The following MYLIP variants were observed in gnomAD, a reference collection of about 807,000 sequenced individuals.
MYLIP encodes the protein E3 ubiquitin-protein ligase MYLIP.
MYLIP carries 26 observed loss-of-function variants against 45.8 expected under a neutral mutation model. The observed-to-expected ratio is 0.57, with a 90% CI of 0.42 to 0.79. The LOEUF (loss-of-function observed/expected upper bound fraction) is 0.79. MYLIP is among the 30% of genes least tolerant of loss of function. MYLIP has a pLI of 0.00. For synonymous variants in MYLIP, 213 were observed against 218.1 expected (o/e 0.98, Z 0.21); for missense variants, 494 against 555.6 (o/e 0.89, Z 1.11).
chr6:16,143,584 G>A, intron 4 of MYLIP, 115 bp from the exon 5 acceptor site: 1 of 1,061,090 alleles, frequency 9.4e-7, no homozygotes, highest in Non-Finnish European at 1.4e-6. Flanking sequence ...TAACCCCAGA[G>A]GAAGCGTCTG....
rs780680479 is a variant in MYLIP, at chr6:16,129,443, G to T, written c.87+34G>T. 6.4e-7 allele frequency: 1 copy of T among 1,554,332 alleles called. No homozygotes were observed. The highest frequency in any genetic ancestry group is 1.2e-5 in the South Asian group (1 of 84,714). ...GAGGGGCAAGAAGGGGCCCCGGCGG[G>T]TCCCGCGAGGCCGAGGGGCCTCGCA... On this transcript the variant is annotated intron_variant, in intron 1 of 6. Transcript: ENST00000356840. The surrounding 1 kb of genome is among the most constrained non-coding windows in gnomAD (Gnocchi z 5.1).
At chr6:16,143,677 C>T in intron 4 of MYLIP, 22 bp from the exon 5 acceptor site, 1 of 1,612,132 alleles carries the variant, frequency 6.2e-7, no homozygotes, top group Non-Finnish European at 8.5e-7. Flanking sequence ...GATCTGCTTT[C>T]TTTTCTCTTC....
downstream of MYLIP, among the ~76,000 whole-genome samples, chr6:16,152,880 C>T (rs1468888663): frequency 6.6e-6 from 1 of 152,012 alleles, no homozygotes; most frequent in African/African-American, 2.4e-5. Flanking sequence ...GACCAGTGGG[C>T]AGTTTGGCAT....
At position 16,146,995 on chromosome 6, in the gene MYLIP, G is replaced by A. The variant is rs1289455896; in HGVS notation, c.*244G>A. On this transcript the variant is annotated 3_prime_UTR_variant, in exon 7 of 7. Transcript: ENST00000356840. ...TGGGACGCAGACACATTCCTTGGAT[G>A]TTGATTTTTTTTATGATCTAGTAAA... 2.8e-5 allele frequency: 10 copies of A among 361,334 alleles called. No homozygotes were observed. The highest frequency in any genetic ancestry group is 3.6e-5 in the Non-Finnish European group (7 of 192,022). 22.4% of individuals were successfully genotyped at this position (361,334 alleles called of 1,614,324 possible).
chr6:16,150,970 G>A (rs1174198960), downstream of MYLIP, among the ~76,000 whole-genome samples: 1 of 152,056 alleles, frequency 6.6e-6, no homozygotes, highest in Non-Finnish European at 1.5e-5. Context: ...AGGAGAGCAC[G>A]CATGGGTAAA....
At chr6:16,142,676 G>A (rs1297153483) in intron 3 of MYLIP, among the ~76,000 whole-genome samples, 1 of 152,154 alleles carries the variant, frequency 6.6e-6, no homozygotes, top group East Asian at 1.9e-4. Context: ...GGGGCCTCAG[G>A]GGTCAACTTT....
In MYLIP at chr6:16,143,159, A is replaced by C. The variant is rs79992066; in HGVS notation, c.604A>C (p.Ile202Leu). ...VRDSEGQKLL[I>L]GVGPEGISIC... The stretch of plus-strand genomic sequence containing the variant: ...GGATAGCGAAGGGCAGAAACTGCTC[A>C]TTGGGGTTGGACCTGAAGGAATCTC... Residue 202 changes from isoleucine to leucine, a missense_variant, in exon 4 of 7, where the codon ATT (isoleucine) becomes CTT (leucine). Coordinates refer to ENST00000356840, the MANE Select transcript of MYLIP (RefSeq NM_013262.4). 28,593 of 1,614,190 alleles carry C rather than the reference A, an allele frequency of 0.018. 304 individuals are homozygous for C. Among genetic ancestry groups the C allele is most frequent in the Non-Finnish European group, 0.019 (22,725 of 1,180,032 alleles).
At position 16,129,134 on chromosome 6, in the gene MYLIP, G is replaced by A; in HGVS notation, c.-189G>A. ...CCACCGCGGAGGACAGGGGCAGCTG[G>A]CGGGCAGCGGGTGAGGGGGTGGCGG... On this transcript the variant is annotated 5_prime_UTR_variant, in exon 1 of 7. Coordinates refer to ENST00000356840, the MANE Select transcript of MYLIP (RefSeq NM_013262.4). This position sits in a 1 kb window ranked among gnomAD's most constrained non-coding sequence, Gnocchi z 5.1. 3.4e-6 allele frequency: 2 copies of A among 589,154 alleles called. No homozygotes were observed. Among genetic ancestry groups the A allele is most frequent in the Non-Finnish European group, 5.9e-6 (2 of 337,462 alleles). 36.5% of individuals were successfully genotyped at this position (589,154 alleles called of 1,614,324 possible).
Position 16,141,765 on chromosome 6 carries a change from A to G in MYLIP, c.419A>G (p.Tyr140Cys), listed in dbSNP as rs1759678824. The change falls in exon 3 of 7, where the codon TAT becomes TGT. Residue 140 changes from tyrosine (Y) to cysteine (C), a missense_variant. By Grantham distance (194) the Tyr-to-Cys change is radical. Transcript: ENST00000356840. Reference protein sequence around the residue: ...DYNQNTAKYNYEELCAKELSS... With the variant: ...DYNQNTAKYNCEELCAKELSS... Reference sequence around the variant, plus strand: ...AACCAGAACACTGCCAAGTATAACTATGAGGAGCTCTGTGCCAAGGAGCTC... The same window carrying G: ...AACCAGAACACTGCCAAGTATAACTGTGAGGAGCTCTGTGCCAAGGAGCTC... 1.2e-6 allele frequency: 2 copies of G among 1,614,056 alleles called. No individual in the cohort carries two copies. Among genetic ancestry groups the G allele is most frequent in the African/African-American group, 1.3e-5 (1 of 75,060 alleles).
chr6:16,155,003 C>G, the MYLIP span, among the ~76,000 whole-genome samples: 2 of 152,264 alleles, frequency 1.3e-5, no homozygotes, highest in South Asian at 4.1e-4. Flanking sequence ...CAACTGGAGG[C>G]CTTCACTCCT....
At chr6:16,149,315 G>A (rs1260198489), downstream of MYLIP, among the ~76,000 whole-genome samples, 1 of 152,172 alleles carries the variant, frequency 6.6e-6, no homozygotes, top group Non-Finnish European at 1.5e-5. Context: ...CTTAAGCTCA[G>A]TGACTAACAT....
At chr6:16,151,789 G>GA (rs1169007202), downstream of MYLIP, among the ~76,000 whole-genome samples, 6 of 152,240 alleles carry the variant, frequency 3.9e-5, no homozygotes, top group Middle Eastern at 6.8e-3. Flanking sequence ...GTTGCTTAGA[G>GA]AAAAAATACA....
intron 2 of MYLIP, among the ~76,000 whole-genome samples, chr6:16,137,539 A>G (rs1191742097): frequency 5.9e-5 from 9 of 152,218 alleles, no homozygotes; most frequent in Non-Finnish European, 1.5e-5. Context: ...GTTATTTTAC[A>G]TTTGTCATTA....
At chr6:16,137,403 A>C (rs1387355714) in intron 2 of MYLIP, among the ~76,000 whole-genome samples, 1 of 152,252 alleles carries the variant, frequency 6.6e-6, no homozygotes, top group East Asian at 1.9e-4. Context: ...AGAGTCAGTC[A>C]TGGCTCTCCA....
chr6:16,143,257 A>G (rs746811748), intron 4 of MYLIP, 40 bp downstream of exon 4: 17 of 1,575,944 alleles, frequency 1.1e-5, no homozygotes, highest in Non-Finnish European at 1.4e-5. Flanking sequence ...AAGCATGTGT[A>G]TACATCTGTA....
downstream of MYLIP, among the ~76,000 whole-genome samples, chr6:16,152,159 C>T (rs936362648): frequency 1.3e-5 from 2 of 152,094 alleles, no homozygotes; most frequent in African/African-American, 4.8e-5. Flanking sequence ...CAAGAGAGGA[C>T]AGAAGTAGAG....
Position 16,143,040 on chromosome 6 carries a change from A to C in MYLIP, c.485A>C (p.Glu162Ala). 1 of 1,613,968 alleles carries C rather than the reference A, an allele frequency of 6.2e-7. No homozygotes were observed. ...TCCAGCATTGTTGCAAAACATAAGG[A>C]GTTGGAGGGGACCAGCCAGGCTTCA... ...TLNSIVAKHK[E>A]LEGTSQASAE... The change falls in exon 4 of 7, where the codon GAG becomes GCG. Residue 162 changes from glutamate (E) to alanine (A), a missense_variant. By Grantham distance (107) the Glu-to-Ala change is moderately radical (BLOSUM62 -1). Transcript: ENST00000356840.
the MYLIP span, among the ~76,000 whole-genome samples, chr6:16,162,272 CA>C: frequency 6.6e-6 from 1 of 152,154 alleles, no homozygotes; most frequent in Non-Finnish European, 1.5e-5. Context: ...TCTATATGTT[CA>C]GGCTCAGAGC....
rs1581599383 is a variant in MYLIP, at chr6:16,129,570, G to A, written c.87+161G>A. Among the ~76,000 whole-genome samples, 1 of 152,100 alleles carries A rather than the reference G, an allele frequency of 6.6e-6. No individual in the cohort carries two copies. The highest frequency in any genetic ancestry group is 1.5e-5 in the Non-Finnish European group (1 of 67,984). On this transcript the variant is annotated intron_variant, in intron 1 of 6. Coordinates refer to ENST00000356840, the MANE Select transcript of MYLIP (RefSeq NM_013262.4). The surrounding 1 kb of genome is among the most constrained non-coding windows in gnomAD (Gnocchi z 5.1). Reference sequence around the variant, plus strand: ...CCTCCTCTCCACGGGCGTGGGGCGCGCGGTCTCCTCCTGGCGCGCGTGGGG... The same window carrying A: ...CCTCCTCTCCACGGGCGTGGGGCGCACGGTCTCCTCCTGGCGCGCGTGGGG...
Sources: gnomAD v4.1 joint callset for allele counts (sites outside exome capture counted in the v4.1 genomes callset) on GRCh38, gnomAD v4.1.1 for gene constraint, Gnocchi (gnomAD v3.1) non-coding constraint, MANE v1.5 for transcripts, NCBI Gene and HGNC (gene_info 2026-07-23, HGNC 2026-07-21) for gene names.